Variants in ABCC4 observed in about 807,000 individuals in gnomAD.
The protein encoded by ABCC4 is ATP binding cassette subfamily C member 4 (PEL blood group).
Under a neutral mutation model 168.5 loss-of-function variants are expected in ABCC4, and 102 were observed. That is an observed-to-expected ratio of 0.61 (90% CI 0.52 to 0.71). The LOEUF is 0.71. Ranked by LOEUF, ABCC4 falls within the 30% of genes least tolerant of loss-of-function variation. The pLI, the probability that ABCC4 is intolerant of heterozygous loss-of-function variation, is 0.00. For missense variants in ABCC4, 1,402 were observed against 1,605.8 expected, an observed-to-expected ratio of 0.87 and a Z score of 2.17; for synonymous variants, 617 against 590.7, an observed-to-expected ratio of 1.04 and a Z score of -0.65.
At position 95,019,854 on chromosome 13, in the gene ABCC4, T is replaced by C. The variant is rs1162177573; in HGVS notation, c.*1721A>G. On this transcript the variant is annotated 3_prime_UTR_variant, in exon 31 of 31. Coordinates refer to ENST00000645237, the MANE Select transcript of ABCC4 (RefSeq NM_005845.5). The stretch of plus-strand genomic sequence containing the variant: ...TCTGAATGGAGATGAAAACTATCAT[T>C]TATTTCAATTGAATTTAGTTTCATT... 1 of 152,196 alleles carries C rather than the reference T, an allele frequency of 6.6e-6. No individual in the cohort carries two copies. Among genetic ancestry groups the C allele is most frequent in the Non-Finnish European group, 1.5e-5 (1 of 68,038 alleles). The allele number at this position is 152,196 out of a possible 1,614,324, so 9.4% of individuals were successfully genotyped here.
intron 29 of ABCC4, among the ~76,000 whole-genome samples, chr13:95,035,756 A>G (rs1036186715): frequency 1.3e-5 from 2 of 152,218 alleles, no homozygotes; most frequent in Non-Finnish European, 2.9e-5. Context: ...CAATTGGCCC[A>G]AATGACGTAC....
chr13:95,167,177 C>CATAAATAAATAAATAA (rs57260755), intron 14 of ABCC4, among the ~76,000 whole-genome samples: 31 of 143,450 alleles, frequency 2.2e-4, no homozygotes, highest in African/African-American at 6.3e-4. Flanking sequence ...AACTCCATCT[C>CATAAATAAATAAATAA]ATAAATAAAT....
rs1010509646 is a variant in ABCC4 at position 95,152,063 on chromosome 13, A to C, written c.2455+9126T>G. 2.6e-5 allele frequency among the ~76,000 whole-genome samples: 4 copies of C among 152,296 alleles called. No homozygotes were observed. The East Asian group carries it at 7.7e-4, about 29-fold the overall frequency. ...ACCTTCAACACACAACTAAACCCCC[A>C]AAAAAGTTATTAGGTGTTTGACAGT... On this transcript the variant is annotated intron_variant, in intron 19 of 30. Coordinates refer to ENST00000645237, the MANE Select transcript of ABCC4 (RefSeq NM_005845.5).
intron 1 of ABCC4, among the ~76,000 whole-genome samples, chr13:95,290,416 G>T (rs1469742358): frequency 1.3e-5 from 2 of 152,014 alleles, no homozygotes; most frequent in African/African-American, 4.8e-5. Flanking sequence ...GTGTTAAGAG[G>T]AATCATGGCC....
intron 4 of ABCC4, among the ~76,000 whole-genome samples, chr13:95,232,373 A>G (rs2039646703): frequency 6.6e-6 from 1 of 152,136 alleles, no homozygotes; most frequent in Admixed American, 6.6e-5. Flanking sequence ...ACGAGGTCAA[A>G]GAAGAATACT....
At chr13:95,052,462 A>T (rs2032883304) in intron 27 of ABCC4, among the ~76,000 whole-genome samples, 1 of 152,156 alleles carries the variant, frequency 6.6e-6, no homozygotes, top group Non-Finnish European at 1.5e-5. Flanking sequence ...TCCTTTTTTC[A>T]TGCAAGGGTG....
intron 9 of ABCC4, among the ~76,000 whole-genome samples, chr13:95,188,926 G>A (rs1228277307): frequency 6.6e-6 from 1 of 151,856 alleles, no homozygotes; most frequent in African/African-American, 2.4e-5. Flanking sequence ...TGCGCAGAAC[G>A]TGCAGGTTTG....
At position 95,137,665 on chromosome 13, in the gene ABCC4, T is replaced by TG. The variant is rs1008289566; in HGVS notation, c.2456-21665dup. Among the ~76,000 whole-genome samples the TG allele has an allele frequency of 5.3e-5, 8 of 152,128 alleles. No individual in the cohort carries two copies. In the South Asian group the frequency reaches 6.3e-4, roughly 12 times the overall value. Reference sequence around the variant, plus strand: ...CTGGTGGTGTCCCTCATTCGAAAGATGGGGGGGAACTCCAATTTGCACGGG... The same window carrying TG: ...CTGGTGGTGTCCCTCATTCGAAAGATGGGGGGGGAACTCCAATTTGCACGGG... On this transcript the variant is annotated intron_variant, in intron 19 of 30. Coordinates refer to ENST00000645237, the MANE Select transcript of ABCC4 (RefSeq NM_005845.5).
chr13:95,285,063 T>C (rs1048206432), intron 1 of ABCC4, among the ~76,000 whole-genome samples: 7 of 152,074 alleles, frequency 4.6e-5, no homozygotes, highest in African/African-American at 1.2e-4. Flanking sequence ...CTGGATAACA[T>C]AGTGAGATCT....
intron 19 of ABCC4, among the ~76,000 whole-genome samples, chr13:95,154,801 G>A (rs1333027597): frequency 6.6e-6 from 1 of 152,166 alleles, no homozygotes; most frequent in Non-Finnish European, 1.5e-5. Context: ...AATTTAACAA[G>A]CCTATTATTG....
At chr13:95,278,185 G>T (rs982549555) in intron 1 of ABCC4, among the ~76,000 whole-genome samples, 1 of 152,138 alleles carries the variant, frequency 6.6e-6, no homozygotes, top group Non-Finnish European at 1.5e-5. Context: ...CATTACTTTG[G>T]ATAAAAGTTT....
chr13:95,186,923 AG>A, intron 10 of ABCC4, 31 bp from the exon 11 acceptor site: 6 of 1,576,872 alleles, frequency 3.8e-6, no homozygotes, highest in Non-Finnish European at 5.2e-6. Flanking sequence ...GCACATGTTC[AG>A]TCAACACTCG....
In ABCC4 at chr13:95,132,950, G is replaced by A. The variant is rs1342323751; in HGVS notation, c.2456-16949C>T. The stretch of plus-strand genomic sequence containing the variant: ...GGGGAGTTAGTGTTTAATGGGTCCT[G>A]GGTTTCAGTTTGGGAAGATGGATAA... On this transcript the variant is annotated intron_variant, in intron 19 of 30. Transcript: ENST00000645237. Among the ~76,000 whole-genome samples the A allele has an allele frequency of 3.3e-5, 5 of 151,992 alleles. No individual in the cohort carries two copies. The East Asian group carries it at 9.6e-4, about 29-fold the overall frequency.
At chr13:95,245,567 C>T (rs762303057) in intron 3 of ABCC4, among the ~76,000 whole-genome samples, 12 of 152,182 alleles carry the variant, frequency 7.9e-5, no homozygotes, top group Non-Finnish European at 1.6e-4. Context: ...GCTCCTAGCC[C>T]TCTTCCACCC....
intron 20 of ABCC4, among the ~76,000 whole-genome samples, chr13:95,098,782 G>A (rs2034696789): frequency 1.3e-5 from 2 of 152,162 alleles, no homozygotes; most frequent in African/African-American, 2.4e-5. Flanking sequence ...CAATTAGCCT[G>A]TATGGAAAAA....
At chr13:95,096,637 AATG>A (rs1442513827) in intron 20 of ABCC4, among the ~76,000 whole-genome samples, 3 of 152,146 alleles carry the variant, frequency 2.0e-5, no homozygotes, top group Non-Finnish European at 2.9e-5. Flanking sequence ...GGGAGAAGAC[AATG>A]ATGTGATATA....
At chr13:95,263,221 G>T (rs2040580215) in intron 1 of ABCC4, among the ~76,000 whole-genome samples, 1 of 152,104 alleles carries the variant, frequency 6.6e-6, no homozygotes, top group Admixed American at 6.5e-5. Flanking sequence ...TAAAAAAGGT[G>T]TCTCTAAGCA....
At chr13:95,219,001 AAGAGTG>A (rs2039234897) in intron 4 of ABCC4, among the ~76,000 whole-genome samples, 2 of 115,672 alleles carry the variant, frequency 1.7e-5, no homozygotes, top group African/African-American at 3.4e-5. Flanking sequence ...GAAAGAAAGA[AAGAGTG>A]AGAAAGAAAG....
intron 4 of ABCC4, among the ~76,000 whole-genome samples, chr13:95,217,240 G>A (rs1427038698): frequency 6.6e-6 from 1 of 152,100 alleles, no homozygotes; most frequent in Non-Finnish European, 1.5e-5. Flanking sequence ...AATATAAACT[G>A]TTTCTTCTTT....
Sources: allele counts gnomAD v4.1 joint callset (sites outside exome capture counted in the v4.1 genomes callset), GRCh38; gene constraint gnomAD v4.1.1; transcripts MANE v1.5; gene names NCBI Gene and HGNC (gene_info 2026-07-23, HGNC 2026-07-21).